CFAP46: variants seen among roughly 807,000 people sequenced by gnomAD.
The protein encoded by CFAP46 is cilia and flagella associated protein 46.
Under a neutral mutation model 325.7 loss-of-function variants are expected in CFAP46, and 245 were observed. The observed-to-expected ratio is 0.75, with a 90% confidence interval of 0.68 to 0.84. The LOEUF (loss-of-function observed/expected upper bound fraction) is 0.84, where lower values mean the gene tolerates loss of function less well. CFAP46 is among the 40% of genes least tolerant of loss of function. The probability of loss-of-function intolerance (pLI) is 0.00; values close to 1 mark genes in which losing one functional copy is unlikely to be tolerated. For missense variants in CFAP46, 3,346 were observed against 3,543.0 expected, an observed-to-expected ratio of 0.94 and a Z score of 1.41; for synonymous variants, 1,523 against 1,495.9, an observed-to-expected ratio of 1.02 and a Z score of -0.42.
At position 132,811,101 on chromosome 10, in the gene CFAP46, G is replaced by GTGGGGCC; in HGVS notation, c.7502-77_7502-71dup. The GTGGGGCC allele has an allele frequency of 5.2e-6, 7 of 1,353,118 alleles. No homozygotes were observed. The Middle Eastern group carries it at 7.2e-4, about 138-fold the overall frequency. 83.8% of individuals were successfully genotyped at this position (1,353,118 alleles called of 1,614,324 possible). On this transcript the variant is annotated intron_variant, in intron 55 of 57. Transcript: ENST00000368586. ...GGGAGTGGGGATGGGGTGTGGGCAG[G>GTGGGGCC]TGGGGCCTGTGCCCCAAGGGCGCAG...
intron 44 of CFAP46, among the ~76,000 whole-genome samples, chr10:132,839,917 T>C (rs1236386686): frequency 6.6e-6 from 1 of 152,230 alleles, no homozygotes; most frequent in African/African-American, 2.4e-5. Context: ...TTTTGTGTAT[T>C]AGTGATGAGA....
At chr10:132,870,751 T>C (rs1261691127) in intron 32 of CFAP46, among the ~76,000 whole-genome samples, 1 of 152,190 alleles carries the variant, frequency 6.6e-6, no homozygotes, top group Non-Finnish European at 1.5e-5. Flanking sequence ...AGAAGCTGTC[T>C]CTGTCACATA....
intron 50 of CFAP46, among the ~76,000 whole-genome samples, chr10:132,831,224 G>GTGTGTGTGTGTGTGTA (rs1848142077): frequency 1.3e-5 from 2 of 151,170 alleles, no homozygotes; most frequent in South Asian, 4.2e-4. Flanking sequence ...AATGTTCTGT[G>GTGTGTGTGTGTGTGTA]TGTGTGTGTG....
chr10:132,932,590 G>GCGGTTTCCTCCTCCC (rs1439495131), intron 8 of CFAP46, among the ~76,000 whole-genome samples: 1 of 148,054 alleles, frequency 6.8e-6, no homozygotes, highest in African/African-American at 2.5e-5. Flanking sequence ...CATAGATCCT[G>GCGGTTTCCTCCTCCC]CAGCTTCCTC....
intron 25 of CFAP46, among the ~76,000 whole-genome samples, chr10:132,887,283 TCCC>T (rs1449866870): frequency 1.1e-5 from 1 of 93,300 alleles, no homozygotes; most frequent in African/African-American, 5.2e-5. Context: ...TCCTCTCTCC[TCCC>T]CTCTTCTTTC....
Position 132,850,430 on chromosome 10 carries a change from T to C in CFAP46, c.5766A>G (p.Gln1922=). Residue 1922 remains glutamine, a splice_region_variant and synonymous_variant, in exon 41 of 58, where the codon CAA becomes CAG. Coordinates refer to ENST00000368586, the MANE Select transcript of CFAP46 (RefSeq NM_001200049.3). ...NTSDYTSVGL[Q]WFTLKRTLAH... ...CTAGAGTCCGCTTCAGCGTGAACCA[T>C]TGCTTCGAAAAGACAGACATGTTAC... 2 of 1,559,550 alleles carry C rather than the reference T, an allele frequency of 1.3e-6. No homozygotes were observed. The highest frequency in any genetic ancestry group is 2.3e-5 in the East Asian group (1 of 42,684).
intron 35 of CFAP46, among the ~76,000 whole-genome samples, chr10:132,864,720 C>T (rs549133395): frequency 1.9e-4 from 26 of 139,686 alleles, no homozygotes; most frequent in African/African-American, 6.2e-4. Flanking sequence ...CTGCACACAC[C>T]TGCCCTCAGT....
intron 50 of CFAP46, among the ~76,000 whole-genome samples, chr10:132,823,803 G>GCTGATGTGTGT (rs1326821516): frequency 7.9e-6 from 1 of 126,992 alleles, no homozygotes; most frequent in Non-Finnish European, 1.7e-5. Context: ...TGCTGTGTGT[G>GCTGATGTGTGT]TGCTGTGTGC....
intron 39 of CFAP46, 35 bp from the exon 40 acceptor site, chr10:132,851,340 G>C: frequency 6.3e-7 from 1 of 1,593,768 alleles, no homozygotes. Flanking sequence ...AAGCATGGAA[G>C]CTTCTGGTAA....
chr10:132,869,220 C>T lies in CFAP46; in HGVS notation c.4610+54G>A, dbSNP rs561118065. The T allele has an allele frequency of 3.5e-4, 499 of 1,427,668 alleles. 1 individual carries two copies. The highest frequency in any genetic ancestry group is 4.4e-4 in the Non-Finnish European group (470 of 1,066,466). The allele number at this position is 1,427,668 out of a possible 1,614,324, so 88.4% of individuals were successfully genotyped here. ...GCCGCGCAGCTGGCTTTCACCTGGC[C>T]GCACCAAGGGCGAGACTCAAACCCC... On this transcript the variant is annotated intron_variant, in intron 33 of 57. Transcript: ENST00000368586. This position sits in a 1 kb window ranked among gnomAD's most constrained non-coding sequence, Gnocchi z 6.2.
At chr10:132,864,572 T>C (rs35452988) in intron 35 of CFAP46, among the ~76,000 whole-genome samples, 43,879 of 61,566 alleles carry the variant, frequency 0.71, 14,956 homozygotes, top group African/African-American at 0.85. Context: ...CCTGCAAACA[T>C]CTGTCCCCCT....
chr10:132,836,320 T>G (rs1432337831), intron 45 of CFAP46, 102 bp from the exon 46 acceptor site: 8 of 1,069,514 alleles, frequency 7.5e-6, no homozygotes, highest in Admixed American at 3.7e-5. Context: ...AGGCCAACTC[T>G]GCAGACCATG....
At chr10:132,878,651 C>T (rs541273186) in intron 29 of CFAP46, among the ~76,000 whole-genome samples, 14 of 152,300 alleles carry the variant, frequency 9.2e-5, no homozygotes, top group African/African-American at 2.4e-4. Flanking sequence ...GCAGCGTGGG[C>T]GCCCACAGCC....
At chr10:132,851,021 C>G in intron 40 of CFAP46, 96 bp downstream of exon 40, 1 of 1,459,068 alleles carries the variant, frequency 6.9e-7, no homozygotes, top group South Asian at 1.2e-5. Flanking sequence ...GCCAGGTGCA[C>G]AGTGGTGGAG....
chr10:132,860,714 G>A (rs1489279244), intron 36 of CFAP46, 68 bp downstream of exon 36: 12 of 1,493,944 alleles, frequency 8.0e-6, no homozygotes, highest in Admixed American at 6.0e-5. Context: ...CCCCATGGAC[G>A]CCCTTCCTCT....
At chr10:132,822,793 G>GATGTGTGCTGATGTGTGC (rs1847901044) in intron 50 of CFAP46, among the ~76,000 whole-genome samples, 1 of 133,272 alleles carries the variant, frequency 7.5e-6, no homozygotes, top group Admixed American at 7.5e-5. Context: ...TGTGTGTGCT[G>GATGTGTGCTGATGTGTGC]TGTGTGTGCT....
At chr10:132,835,661 C>T (rs539843230) in intron 46 of CFAP46, among the ~76,000 whole-genome samples, 2 of 152,190 alleles carry the variant, frequency 1.3e-5, no homozygotes, top group South Asian at 2.1e-4. Context: ...GCACACGCCC[C>T]GTCTACACCT....
At chr10:132,841,456 C>T (rs963757833) in intron 44 of CFAP46, among the ~76,000 whole-genome samples, 4 of 152,206 alleles carry the variant, frequency 2.6e-5, no homozygotes, top group African/African-American at 9.6e-5. Context: ...CATGGCTGCT[C>T]TTATGGGTGG....
chr10:132,811,256 C>T (rs746460951), intron 55 of CFAP46, among the ~76,000 whole-genome samples: 14 of 152,228 alleles, frequency 9.2e-5, no homozygotes, highest in Non-Finnish European at 1.9e-4. Context: ...AGCCTCCTCC[C>T]GGCGACTGTG....
Sources: gnomAD v4.1 joint callset for allele counts (sites outside exome capture counted in the v4.1 genomes callset) on GRCh38, gnomAD v4.1.1 for gene constraint, Gnocchi (gnomAD v3.1) non-coding constraint, MANE v1.5 for transcripts, NCBI Gene and HGNC (gene_info 2026-07-23, HGNC 2026-07-21) for gene names.